ERICH3: variants seen among roughly 807,000 people sequenced by gnomAD.
The protein encoded by ERICH3 is glutamate rich 3.
In ERICH3, 126 loss-of-function variants were observed where a neutral mutation model predicts 131.1. That is an observed-to-expected ratio of 0.96 (90% CI 0.83 to 1.11). The LOEUF is 1.11. ERICH3 is among the 50% of genes most tolerant of loss of function. The probability of loss-of-function intolerance (pLI) is 0.00; values close to 1 mark genes in which losing one functional copy is unlikely to be tolerated. For synonymous variants in ERICH3, 695 were observed against 644.6 expected (o/e 1.08, Z -1.18); for missense variants, 2,050 against 1,810.7 (o/e 1.13, Z -2.40).
intron 11 of ERICH3, among the ~76,000 whole-genome samples, chr1:74,598,883 A>G (rs1279950350): frequency 1.3e-5 from 2 of 151,898 alleles, no homozygotes; most frequent in Non-Finnish European, 2.9e-5. Flanking sequence ...CAAATACTTA[A>G]GGAAATCTAG....
intron 13 of ERICH3, among the ~76,000 whole-genome samples, chr1:74,576,435 G>A (rs530084300): frequency 3.9e-5 from 6 of 152,270 alleles, no homozygotes; most frequent in South Asian, 2.1e-4. Flanking sequence ...AAGTCAGCCC[G>A]CTGCACAATC....
chr1:74,572,513 G>A lies in ERICH3; in HGVS notation c.3197C>T (p.Pro1066Leu), dbSNP rs543482342. The A allele has an allele frequency of 2.7e-5, 43 of 1,613,938 alleles. 1 individual carries two copies. The South Asian group carries it at 4.2e-4, about 16-fold the overall frequency. The change falls in exon 14 of 15, where the codon CCA becomes CTA. Residue 1066 changes from proline (P) to leucine (L), a missense_variant. Pro to Leu is a moderately conservative substitution (Grantham distance 98). Coordinates refer to ENST00000326665, the MANE Select transcript of ERICH3 (RefSeq NM_001002912.5). ...GTCAGTTTTCCTCAGAGATGTTTTT[G>A]GCCTCTCAGCTTTCCTTCGCTCTCT... ...LARERRKAER[P>L]KTSLRKTDSE...
chr1:74,659,231 C>G (rs1177906118), intron 1 of ERICH3, among the ~76,000 whole-genome samples: 1 of 152,094 alleles, frequency 6.6e-6, no homozygotes, highest in African/African-American at 2.4e-5. Context: ...TGCAAAGGTC[C>G]AGGGATAAGA....
At chr1:74,601,060 C>G (rs779091956) in intron 10 of ERICH3, among the ~76,000 whole-genome samples, 1 of 151,434 alleles carries the variant, frequency 6.6e-6, no homozygotes, top group Non-Finnish European at 1.5e-5. Flanking sequence ...AAACCTATAA[C>G]AAAGAAAATT....
chr1:74,646,632 AT>A (rs1646486558), intron 3 of ERICH3, 34 bp downstream of exon 3: 2 of 1,119,268 alleles, frequency 1.8e-6, no homozygotes, highest in Middle Eastern at 3.0e-4. Flanking sequence ...GTAGAAAAAA[AT>A]AAAATAAAAT....
chr1:74,587,939 T>C (rs1024375661), intron 12 of ERICH3, among the ~76,000 whole-genome samples: 2 of 152,172 alleles, frequency 1.3e-5, no homozygotes, highest in Non-Finnish European at 2.9e-5. Context: ...AGGGCAGAGG[T>C]TTATGAACTT....
chr1:74,593,371 C>A (rs914791642), intron 11 of ERICH3, among the ~76,000 whole-genome samples: 6 of 152,074 alleles, frequency 3.9e-5, no homozygotes, highest in Non-Finnish European at 8.8e-5. Flanking sequence ...ACCCTGGTGT[C>A]CCAATCACAG....
intron 11 of ERICH3, among the ~76,000 whole-genome samples, chr1:74,593,047 A>G (rs934925561): frequency 5.3e-5 from 8 of 152,124 alleles, no homozygotes; most frequent in Non-Finnish European, 7.4e-5. Flanking sequence ...CTCCTACCCA[A>G]TTCCATTTGT....
At chr1:74,654,522 G>A (rs930400551) in intron 1 of ERICH3, among the ~76,000 whole-genome samples, 8 of 152,022 alleles carry the variant, frequency 5.3e-5, no homozygotes, top group African/African-American at 9.7e-5. Flanking sequence ...GTACCAACAT[G>A]TTTAGGTTCT....
chr1:74,597,075 G>C (rs983154689), intron 11 of ERICH3, among the ~76,000 whole-genome samples: 10 of 152,052 alleles, frequency 6.6e-5, no homozygotes. Flanking sequence ...TGGTGTCTGG[G>C]ATTCAGTGGT....
intron 10 of ERICH3, among the ~76,000 whole-genome samples, chr1:74,601,435 T>C (rs1648126348): frequency 6.6e-6 from 1 of 151,932 alleles, no homozygotes; most frequent in Admixed American, 6.6e-5. Context: ...CAAGAAATAC[T>C]GTACTCACTT....
At chr1:74,631,381 A>G (rs548815629) in intron 7 of ERICH3, among the ~76,000 whole-genome samples, 2 of 152,158 alleles carry the variant, frequency 1.3e-5, no homozygotes, top group Non-Finnish European at 2.9e-5. Context: ...CTGAATTTTT[A>G]CAACTTAGAT....
chr1:74,665,794 C>T (rs1361654344), intron 1 of ERICH3, among the ~76,000 whole-genome samples: 1 of 152,046 alleles, frequency 6.6e-6, no homozygotes, highest in Non-Finnish European at 1.5e-5. Context: ...ACCCTGTCTC[C>T]AATACAGTCA....
intron 12 of ERICH3, among the ~76,000 whole-genome samples, chr1:74,578,731 G>A (rs1020005976): frequency 1.1e-4 from 16 of 139,834 alleles, no homozygotes; most frequent in African/African-American, 3.3e-4. Context: ...CTCCTCCCCC[G>A]ATATTCTGTT....
chr1:74,668,526 T>G (rs907984217), intron 1 of ERICH3, among the ~76,000 whole-genome samples: 1 of 152,224 alleles, frequency 6.6e-6, no homozygotes, highest in Non-Finnish European at 1.5e-5. Flanking sequence ...ATTTGAAAGA[T>G]CATCAAAAAC....
intron 1 of ERICH3, among the ~76,000 whole-genome samples, chr1:74,650,834 CTGTGTGTG>C (rs5775252): frequency 5.7e-4 from 84 of 146,094 alleles, no homozygotes; most frequent in South Asian, 9.0e-4. Context: ...GAGGGGACTA[CTGTGTGTG>C]TGTGTGTGTG....
At chr1:74,592,966 C>G (rs1647676939) in intron 11 of ERICH3, among the ~76,000 whole-genome samples, 1 of 152,038 alleles carries the variant, frequency 6.6e-6, no homozygotes, top group Admixed American at 6.6e-5. Flanking sequence ...ACTTTGAGAG[C>G]ACGTATGTAA....
intron 10 of ERICH3, 64 bp downstream of exon 10, chr1:74,606,537 T>A (rs1648399155): frequency 6.7e-7 from 1 of 1,486,578 alleles, no homozygotes; most frequent in African/African-American, 1.4e-5. Context: ...ATTTTGATCA[T>A]CACATTTCAA....
At chr1:74,579,313 T>A in intron 12 of ERICH3, 1 of 764,564 alleles carries the variant, frequency 1.3e-6, no homozygotes, top group South Asian at 5.9e-5. Flanking sequence ...ATAATATTAA[T>A]AATAAACAAT....
Sources: allele counts gnomAD v4.1 joint callset (sites outside exome capture counted in the v4.1 genomes callset), GRCh38; gene constraint gnomAD v4.1.1; transcripts MANE v1.5; gene names NCBI Gene and HGNC (gene_info 2026-07-23, HGNC 2026-07-21).